ERBB4: variants seen among roughly 807,000 people sequenced by gnomAD.
ERBB4 encodes the protein erb-b2 receptor tyrosine kinase 4.
Under a neutral mutation model 158.0 loss-of-function variants are expected in ERBB4, and 42 were observed. The ratio of observed to expected loss-of-function variants is 0.27; its 90% CI spans 0.21 to 0.34. ERBB4 has a LOEUF of 0.34. Ranked by LOEUF, ERBB4 falls within the 10% of genes least tolerant of loss-of-function variation. The pLI, the probability that ERBB4 is intolerant of heterozygous loss-of-function variation, is 1.00. For missense variants in ERBB4, 1,333 were observed against 1,624.1 expected, an observed-to-expected ratio of 0.82 and a Z score of 3.08; for synonymous variants, 583 against 558.7, an observed-to-expected ratio of 1.04 and a Z score of -0.61.
intron 20 of ERBB4, among the ~76,000 whole-genome samples, chr2:211,481,485 G>A (rs1490256556): frequency 1.3e-5 from 2 of 150,798 alleles, no homozygotes; most frequent in Non-Finnish European, 2.9e-5. Flanking sequence ...GGGAGCTGAA[G>A]AATTTGCCAC....
At chr2:212,530,169 G>C (rs1692673952) in intron 1 of ERBB4, among the ~76,000 whole-genome samples, 1 of 146,382 alleles carries the variant, frequency 6.8e-6, no homozygotes, top group South Asian at 2.2e-4. Flanking sequence ...CCCATAAAGA[G>C]GATCTTGCAA....
chr2:212,252,278 C>T (rs2084567256), intron 1 of ERBB4, among the ~76,000 whole-genome samples: 1 of 151,876 alleles, frequency 6.6e-6, no homozygotes, highest in Non-Finnish European at 1.5e-5. Context: ...GGAACTCCAA[C>T]ATTTAGAGGT....
At chr2:212,187,819 T>G (rs1356382556) in intron 1 of ERBB4, among the ~76,000 whole-genome samples, 1 of 152,104 alleles carries the variant, frequency 6.6e-6, no homozygotes, top group Non-Finnish European at 1.5e-5. Flanking sequence ...ACATGAGTGA[T>G]CTTCAAAGTG....
Position 211,548,806 on chromosome 2 carries a change from G to T in ERBB4, c.2487+13097C>A, listed in dbSNP as rs115269806. 3.2e-3 allele frequency among the ~76,000 whole-genome samples: 480 copies of T among 152,190 alleles called. 3 individuals are homozygous for T. The highest frequency in any genetic ancestry group is 0.011 in the African/African-American group (467 of 41,550). On this transcript the variant is annotated intron_variant, in intron 20 of 27. Transcript: ENST00000342788. ...CATGAAGCCCTGTCTACACCCTTCT[G>T]CTGCTGCAGTTAGGTTCGGTTATAT...
At position 212,249,913 on chromosome 2, in the gene ERBB4, G is replaced by A. The variant is rs535211717; in HGVS notation, c.83-125010C>T. Among the ~76,000 whole-genome samples, 24 of 152,114 alleles carry A rather than the reference G, an allele frequency of 1.6e-4. 1 individual carries two copies. The South Asian group carries it at 4.8e-3, about 30-fold the overall frequency. On this transcript the variant is annotated intron_variant, in intron 1 of 27. Transcript: ENST00000342788. ...AGTAAAGAAGCTTGACAATGTCAAA[G>A]AGCTTATATGCAATTGGCAAGGGAA... is the stretch of plus-strand genomic sequence containing the variant.
At chr2:211,936,807 T>C (rs1321609463) in intron 3 of ERBB4, among the ~76,000 whole-genome samples, 1 of 152,098 alleles carries the variant, frequency 6.6e-6, no homozygotes, top group Non-Finnish European at 1.5e-5. Context: ...ACAAAAACAA[T>C]CATTAAAATT....
chr2:211,419,948 T>C (rs1006664523), intron 25 of ERBB4, among the ~76,000 whole-genome samples: 4 of 152,058 alleles, frequency 2.6e-5, no homozygotes, highest in Admixed American at 2.6e-4. Context: ...TGTGATTAGG[T>C]TCAAAGGACT....
At chr2:212,210,955 A>G (rs998934336) in intron 1 of ERBB4, among the ~76,000 whole-genome samples, 1 of 152,004 alleles carries the variant, frequency 6.6e-6, no homozygotes, top group Non-Finnish European at 1.5e-5. Context: ...AGTCCATTAT[A>G]TCTCCTCTGC....
At chr2:211,899,064 A>G (rs899940953) in intron 3 of ERBB4, among the ~76,000 whole-genome samples, 2 of 152,240 alleles carry the variant, frequency 1.3e-5, no homozygotes, top group Middle Eastern at 3.4e-3. Flanking sequence ...AAATTAACAC[A>G]TGAGTCAATT....
At chr2:212,463,687 C>T (rs1398554259) in intron 1 of ERBB4, among the ~76,000 whole-genome samples, 1 of 152,026 alleles carries the variant, frequency 6.6e-6, no homozygotes, top group Non-Finnish European at 1.5e-5. Context: ...CGTTACAATG[C>T]CCCAATACTG....
intron 1 of ERBB4, among the ~76,000 whole-genome samples, chr2:212,520,409 C>T (rs1005063442): frequency 1.3e-5 from 2 of 151,828 alleles, no homozygotes; most frequent in African/African-American, 4.8e-5. Flanking sequence ...TATTCTTGCA[C>T]ATAAAAATTT....
intron 1 of ERBB4, among the ~76,000 whole-genome samples, chr2:212,154,193 T>A (rs2080960996): frequency 6.6e-6 from 1 of 152,140 alleles, no homozygotes; most frequent in African/African-American, 2.4e-5. Context: ...TTGTCTCCTC[T>A]GTCTTTACAC....
intron 1 of ERBB4, among the ~76,000 whole-genome samples, chr2:212,333,758 G>A (rs1451653015): frequency 1.3e-5 from 2 of 151,844 alleles, no homozygotes; most frequent in South Asian, 2.1e-4. Context: ...AGTTTGCAGG[G>A]ATGGAGGAAA....
rs111512371 is a variant in ERBB4, at chr2:212,389,604, G to A, written c.82+148845C>T. On this transcript the variant is annotated intron_variant, in intron 1 of 27. Transcript: ENST00000342788. Reference sequence around the variant, plus strand: ...ATATGGAACACTGTGTATTTGCTAAGCACTCTCCCAGGCACTGGAAATATA... The same window carrying A: ...ATATGGAACACTGTGTATTTGCTAAACACTCTCCCAGGCACTGGAAATATA... Among the ~76,000 whole-genome samples, 552 of 152,026 alleles carry A rather than the reference G, an allele frequency of 3.6e-3. 3 individuals are homozygous for A. The highest frequency in any genetic ancestry group is 6.2e-3 in the Non-Finnish European group (422 of 67,942).
chr2:212,410,312 AAT>A (rs1474898523), intron 1 of ERBB4, among the ~76,000 whole-genome samples: 3 of 152,008 alleles, frequency 2.0e-5, no homozygotes, highest in African/African-American at 7.2e-5. Context: ...TGCACAAAAT[AAT>A]ATAAGTGAAA....
intron 1 of ERBB4, among the ~76,000 whole-genome samples, chr2:212,445,204 G>A (rs190652797): frequency 6.6e-6 from 1 of 152,060 alleles, no homozygotes; most frequent in East Asian, 1.9e-4. Context: ...TGCAGGGCTG[G>A]GGCAATGTTC....
At chr2:212,051,086 C>T (rs2077386926) in intron 2 of ERBB4, among the ~76,000 whole-genome samples, 1 of 152,148 alleles carries the variant, frequency 6.6e-6, no homozygotes, top group Non-Finnish European at 1.5e-5. Flanking sequence ...TGGCAACATT[C>T]CCCCAATTCT....
chr2:212,530,350 AAAAG>A (rs1356512445), intron 1 of ERBB4, among the ~76,000 whole-genome samples: 2 of 152,206 alleles, frequency 1.3e-5, no homozygotes, highest in East Asian at 3.8e-4. Context: ...GTATGTGTAT[AAAAG>A]AAATATTATC....
At chr2:212,129,031 G>A (rs1297021518) in intron 1 of ERBB4, among the ~76,000 whole-genome samples, 1 of 151,800 alleles carries the variant, frequency 6.6e-6, no homozygotes. Flanking sequence ...TTATTATATG[G>A]GTTTATGAAA....
Sources: allele counts gnomAD v4.1 joint callset (sites outside exome capture counted in the v4.1 genomes callset), GRCh38; gene constraint gnomAD v4.1.1; transcripts MANE v1.5; gene names NCBI Gene and HGNC (gene_info 2026-07-23, HGNC 2026-07-21).